The following SYT2 variants were observed in gnomAD, a reference collection of about 807,000 sequenced individuals.
The protein encoded by SYT2 is synaptotagmin 2, also known as synaptotagmin-2.
In SYT2, 15 loss-of-function variants were observed where a neutral mutation model predicts 39.9. The ratio of observed to expected loss-of-function variants is 0.38; its 90% CI spans 0.25 to 0.58. The LOEUF (loss-of-function observed/expected upper bound fraction) is 0.58. SYT2 is among the 20% of genes least tolerant of loss of function. The pLI is 0.70. For synonymous variants in SYT2, 181 were observed against 204.5 expected (o/e 0.89, Z 0.98); for missense variants, 389 against 530.3 (o/e 0.73, Z 2.62).
At chr1:202,670,947 C>T (rs1692575015) in intron 1 of SYT2, among the ~76,000 whole-genome samples, 1 of 152,330 alleles carries the variant, frequency 6.6e-6, no homozygotes, top group South Asian at 2.1e-4. Flanking sequence ...ATCCCAAGGC[C>T]ACCCAGTGAT....
chr1:202,645,552 G>T (rs1692063267), intron 1 of SYT2, among the ~76,000 whole-genome samples: 1 of 152,184 alleles, frequency 6.6e-6, no homozygotes, highest in Admixed American at 6.5e-5. Flanking sequence ...AGGGATGGAT[G>T]AAATGACCCC....
rs1691490767 is a variant in SYT2, at chr1:202,628,858, C to A, written c.-17-23069G>T. Reference sequence around the variant, plus strand: ...AATGAGCACCTGGGCTCTGGGCAGACTGACCTGGACTGGAGTCTCGGCTCT... The same window carrying A: ...AATGAGCACCTGGGCTCTGGGCAGAATGACCTGGACTGGAGTCTCGGCTCT... On this transcript the variant is annotated intron_variant, in intron 1 of 8. Transcript: ENST00000367268. This position sits in a 1 kb window ranked among gnomAD's most constrained non-coding sequence, Gnocchi z 4.2. Among the ~76,000 whole-genome samples the A allele has an allele frequency of 1.3e-5, 2 of 152,250 alleles. No homozygotes were observed. The highest frequency in any genetic ancestry group is 4.8e-5 in the African/African-American group (2 of 41,462).
intron 1 of SYT2, among the ~76,000 whole-genome samples, chr1:202,678,111 TA>T (rs1216112905): frequency 2.0e-5 from 3 of 151,874 alleles, no homozygotes; most frequent in African/African-American, 7.3e-5. Flanking sequence ...TTGTCTGGAC[TA>T]AAAATACAAT....
At chr1:202,630,983 C>T (rs1691570465) in intron 1 of SYT2, among the ~76,000 whole-genome samples, 1 of 152,180 alleles carries the variant, frequency 6.6e-6, no homozygotes, top group African/African-American at 2.4e-5. Flanking sequence ...GCACCTCCAC[C>T]CACACACACG....
chr1:202,602,979 C>G lies in SYT2; in HGVS notation c.465+20G>C, dbSNP rs773522093. ...GCCTCTCCCCATTCCCCCACTCTGCCCCCCCACAGCCCTGCATACCTGATT... is the reference window on the plus strand; with the variant it reads ...GCCTCTCCCCATTCCCCCACTCTGCGCCCCCACAGCCCTGCATACCTGATT... On this transcript the variant is annotated intron_variant, in intron 4 of 8. Transcript: ENST00000367268. The G allele has an allele frequency of 4.4e-6, 1 of 228,070 alleles. No homozygotes were observed. The highest frequency in any genetic ancestry group is 9.1e-5 in the South Asian group (1 of 10,936). 14.1% of individuals were successfully genotyped at this position (228,070 alleles called of 1,614,324 possible).
In SYT2 at chr1:202,599,408, C is replaced by T; in HGVS notation, c.920-57G>A. 6.5e-7 allele frequency: 1 copy of T among 1,541,850 alleles called. No homozygotes were observed. The highest frequency in any genetic ancestry group is 1.3e-5 in the South Asian group (1 of 77,268). On this transcript the variant is annotated intron_variant, in intron 7 of 8. Transcript: ENST00000367268. This position sits in a 1 kb window ranked among gnomAD's most constrained non-coding sequence, Gnocchi z 4.4. ...TTCCCCTTAGCCCCCAGCCTTCCTG[C>T]CGAATGTACCAAGGCCTGCCCAGAG... is the stretch of plus-strand genomic sequence containing the variant.
rs1469128868 is a variant in SYT2 at position 202,601,567 on chromosome 1, G to A, written c.801+323C>T. On this transcript the variant is annotated intron_variant, in intron 6 of 8. Transcript: ENST00000367268. The surrounding 1 kb of genome is among the most constrained non-coding windows in gnomAD (Gnocchi z 4.0). ...CTGAGGCACAGAGGCGTGAATCACT[G>A]GCCTTAGGTAATAGCAGAAGCTTAG... 1.3e-5 allele frequency among the ~76,000 whole-genome samples: 2 copies of A among 152,224 alleles called. No homozygotes were observed. Among genetic ancestry groups the A allele is most frequent in the African/African-American group, 2.4e-5 (1 of 41,446 alleles).
intron 1 of SYT2, among the ~76,000 whole-genome samples, chr1:202,661,902 G>C (rs1468943080): frequency 6.6e-6 from 1 of 152,212 alleles, no homozygotes. Flanking sequence ...TAGTTCACTT[G>C]TCAGACACTT....
At chr1:202,693,292 T>C (rs1386251815) in intron 1 of SYT2, among the ~76,000 whole-genome samples, 1 of 152,124 alleles carries the variant, frequency 6.6e-6, no homozygotes, top group Non-Finnish European at 1.5e-5. Flanking sequence ...TAAGTGAAGG[T>C]GGCAGAGACT....
intron 1 of SYT2, among the ~76,000 whole-genome samples, chr1:202,622,813 A>G (rs548615040): frequency 6.6e-6 from 1 of 152,340 alleles, no homozygotes; most frequent in South Asian, 2.1e-4. Flanking sequence ...GACCCCAGGC[A>G]TGGATACCCT....
chr1:202,669,202 C>T (rs111654874), intron 1 of SYT2, among the ~76,000 whole-genome samples: 1,785 of 152,280 alleles, frequency 0.012, 27 homozygotes, highest in African/African-American at 0.041. Context: ...CACTAAAATA[C>T]TGTTTAGAAA....
intron 1 of SYT2, among the ~76,000 whole-genome samples, chr1:202,619,518 C>A (rs1691148146): frequency 6.6e-6 from 1 of 152,154 alleles, no homozygotes; most frequent in East Asian, 1.9e-4. Flanking sequence ...TGCATCAAGA[C>A]CCCCTGGGGA....
chr1:202,649,661 G>A (rs1236191105), intron 1 of SYT2, among the ~76,000 whole-genome samples: 1 of 152,194 alleles, frequency 6.6e-6, no homozygotes, highest in Non-Finnish European at 1.5e-5. Flanking sequence ...CTTGCCAATT[G>A]ATACAGGTGC....
chr1:202,700,689 CTT>C (rs1209684739), intron 1 of SYT2, among the ~76,000 whole-genome samples: 2 of 152,114 alleles, frequency 1.3e-5, no homozygotes, highest in African/African-American at 2.4e-5. Context: ...TTGCAAATCT[CTT>C]TAATGTGTGG....
intron 1 of SYT2, among the ~76,000 whole-genome samples, chr1:202,687,748 G>T (rs979106247): frequency 1.3e-5 from 2 of 151,780 alleles, no homozygotes; most frequent in Non-Finnish European, 2.9e-5. Flanking sequence ...GGCTCAGACC[G>T]GGGGGATCAA....
At chr1:202,607,441 G>GA (rs1242817144) in intron 1 of SYT2, among the ~76,000 whole-genome samples, 1 of 152,108 alleles carries the variant, frequency 6.6e-6, no homozygotes, top group Non-Finnish European at 1.5e-5. Flanking sequence ...AGAATTTAAA[G>GA]AAAAAATGTG....
At chr1:202,654,316 C>A (rs549921542) in intron 1 of SYT2, among the ~76,000 whole-genome samples, 1 of 152,320 alleles carries the variant, frequency 6.6e-6, no homozygotes, top group Non-Finnish European at 1.5e-5. Context: ...CACTGCAACT[C>A]TGCTGCCCAC....
intron 1 of SYT2, among the ~76,000 whole-genome samples, chr1:202,660,226 T>C (rs1280931008): frequency 6.6e-6 from 1 of 152,160 alleles, no homozygotes; most frequent in East Asian, 1.9e-4. Context: ...CAGTGTGATA[T>C]ATACAAGCTG....
intron 1 of SYT2, among the ~76,000 whole-genome samples, chr1:202,636,200 A>G (rs998862978): frequency 2.6e-5 from 4 of 152,156 alleles, no homozygotes; most frequent in African/African-American, 9.7e-5. Flanking sequence ...TAGGAGATAC[A>G]AAACCACCAT....
Sources: allele counts gnomAD v4.1 joint callset (sites outside exome capture counted in the v4.1 genomes callset), GRCh38; gene constraint gnomAD v4.1.1; non-coding constraint Gnocchi (gnomAD v3.1); transcripts MANE v1.5; gene names NCBI Gene and HGNC (gene_info 2026-07-23, HGNC 2026-07-21).